TMBIM6: variants seen among roughly 807,000 people sequenced by gnomAD.
TMBIM6 encodes bax inhibitor 1.
Under a neutral mutation model 31.4 loss-of-function variants are expected in TMBIM6, and 13 were observed. The ratio of observed to expected loss-of-function variants is 0.41; its 90% CI spans 0.27 to 0.66. The LOEUF (loss-of-function observed/expected upper bound fraction) is 0.66, where lower values mean the gene tolerates loss of function less well. TMBIM6 is among the 30% of genes least tolerant of loss of function. TMBIM6 has a pLI of 0.28. For synonymous variants in TMBIM6, 85 were observed against 101.7 expected (o/e 0.84, Z 0.99); for missense variants, 275 against 289.5 (o/e 0.95, Z 0.36).
At chr12:49,747,172 T>A (rs138326963) in intron 1 of TMBIM6, among the ~76,000 whole-genome samples, 15 of 152,242 alleles carry the variant, frequency 9.9e-5, no homozygotes, top group Middle Eastern at 3.4e-3. Flanking sequence ...GGATTTTTCT[T>A]CTAAGTATCA....
At chr12:49,747,569 A>G (rs1451312505) in intron 1 of TMBIM6, among the ~76,000 whole-genome samples, 1 of 152,210 alleles carries the variant, frequency 6.6e-6, no homozygotes, top group Non-Finnish European at 1.5e-5. Context: ...TTGGCTTCCC[A>G]AAGTGCTGGG....
chr12:49,758,703 A>G lies in TMBIM6; in HGVS notation c.454A>G (p.Ser152Gly), dbSNP rs773256121. 6.2e-7 allele frequency: 1 copy of G among 1,613,690 alleles called. No individual in the cohort carries two copies. The highest frequency in any genetic ancestry group is 8.5e-7 in the Non-Finnish European group (1 of 1,179,970). The part of the protein sequence containing the change: ...FLGGILMSAL[S>G]LLLLSSLGNV... ...TATAGGTATCTTGATGTCAGCCCTGAGCTTGTTGCTTTTGTCTTCCCTGGG... is the reference window on the plus strand; with the variant it reads ...TATAGGTATCTTGATGTCAGCCCTGGGCTTGTTGCTTTTGTCTTCCCTGGG... Residue 152 changes from serine (S) to glycine (G), a missense_variant, in exon 7 of 10, where the codon AGC (serine) becomes GGC (glycine). By Grantham distance (56) the Ser-to-Gly change is moderately conservative (BLOSUM62 0). Coordinates refer to ENST00000267115, the MANE Select transcript of TMBIM6 (RefSeq NM_003217.3).
intron 1 of TMBIM6, among the ~76,000 whole-genome samples, chr12:49,746,107 G>C (rs1370654031): frequency 6.7e-6 from 1 of 148,712 alleles, no homozygotes; most frequent in African/African-American, 2.5e-5. Flanking sequence ...TTTTGAGACA[G>C]AGTCTCACTC....
intron 3 of TMBIM6, among the ~76,000 whole-genome samples, chr12:49,754,895 T>C (rs1258255767): frequency 6.6e-6 from 1 of 152,236 alleles, no homozygotes; most frequent in Non-Finnish European, 1.5e-5. Flanking sequence ...AACATTTTAG[T>C]ACTTTGCAGT....
chr12:49,763,134 G>T lies in TMBIM6; in HGVS notation c.*238G>T, dbSNP rs1173945323. The T allele has an allele frequency of 2.4e-6, 1 of 416,078 alleles. No homozygotes were observed. The highest frequency in any genetic ancestry group is 4.4e-6 in the Non-Finnish European group (1 of 226,182). The allele number at this position is 416,078 out of a possible 1,614,324, so 25.8% of individuals were successfully genotyped here. On this transcript the variant is annotated 3_prime_UTR_variant, in exon 10 of 10. Coordinates refer to ENST00000267115, the MANE Select transcript of TMBIM6 (RefSeq NM_003217.3). ...ACTCCCTTTTTTGTCAACCCCATCTGTAGCCTCTTCCTCTACTCAGGCAGT... is the reference window on the plus strand; with the variant it reads ...ACTCCCTTTTTTGTCAACCCCATCTTTAGCCTCTTCCTCTACTCAGGCAGT...
intron 3 of TMBIM6, among the ~76,000 whole-genome samples, 166 bp downstream of exon 3, chr12:49,753,247 C>G (rs1009160213): frequency 3.9e-5 from 6 of 152,192 alleles, no homozygotes. Flanking sequence ...TTTTAATTTT[C>G]TGGCAACTGT....
At chr12:49,750,733 AAAG>A (rs1338851858) in intron 1 of TMBIM6, 1 of 152,268 alleles carries the variant, frequency 6.6e-6, no homozygotes, top group African/African-American at 2.4e-5. Flanking sequence ...TGAGAGAAGG[AAAG>A]AAGAAACCAG....
chr12:49,760,512 T>C (rs954400532), intron 8 of TMBIM6, among the ~76,000 whole-genome samples: 7 of 151,076 alleles, frequency 4.6e-5, no homozygotes, highest in African/African-American at 1.7e-4. Context: ...GATTACAGGC[T>C]TAAGCCACCA....
At position 49,758,708 on chromosome 12, in the gene TMBIM6, G is replaced by T. The variant is rs1049671772; in HGVS notation, c.459G>T (p.Leu153Phe). The T allele has an allele frequency of 2.5e-6, 4 of 1,613,574 alleles. No individual in the cohort carries two copies. Among genetic ancestry groups the T allele is most frequent in the Non-Finnish European group, 3.4e-6 (4 of 1,180,020 alleles). Residue 153 changes from leucine to phenylalanine, a missense_variant, in exon 7 of 10, where the codon TTG becomes TTT. Leu to Phe is a conservative substitution (Grantham distance 22, BLOSUM62 0). Coordinates refer to ENST00000267115, the MANE Select transcript of TMBIM6 (RefSeq NM_003217.3). Reference protein sequence around the residue: ...LGGILMSALSLLLLSSLGNVF... With the variant: ...LGGILMSALSFLLLSSLGNVF... ...GTATCTTGATGTCAGCCCTGAGCTT[G>T]TTGCTTTTGTCTTCCCTGGGGAATG...
chr12:49,760,338 T>G (rs902981167), intron 8 of TMBIM6, among the ~76,000 whole-genome samples: 2 of 151,988 alleles, frequency 1.3e-5, no homozygotes, highest in African/African-American at 4.8e-5. Flanking sequence ...GCAGCCTGAA[T>G]TTACTGTGCT....
chr12:49,744,521 G>A (rs1009496797), intron 1 of TMBIM6: 1 of 152,144 alleles, frequency 6.6e-6, no homozygotes, highest in South Asian at 2.1e-4. Context: ...TGACTTAAAG[G>A]TTACCTAAGT....
chr12:49,753,119 A>G, intron 3 of TMBIM6, 38 bp downstream of exon 3: 1 of 1,577,292 alleles, frequency 6.3e-7, no homozygotes, highest in Non-Finnish European at 8.7e-7. Flanking sequence ...TGTGGTACAA[A>G]TTACATTAGG....
intron 1 of TMBIM6, among the ~76,000 whole-genome samples, chr12:49,751,477 A>G (rs1945492986): frequency 6.6e-6 from 1 of 152,150 alleles, no homozygotes; most frequent in Non-Finnish European, 1.5e-5. Context: ...GTACTGTTCT[A>G]ACCTTTCTGT....
chr12:49,749,614 G>A (rs994609624), intron 1 of TMBIM6: 1 of 152,106 alleles, frequency 6.6e-6, no homozygotes, highest in African/African-American at 2.4e-5. Context: ...TGTATTTTTT[G>A]TAGAGACAGG....
chr12:49,751,182 T>G (rs960999187), intron 1 of TMBIM6, among the ~76,000 whole-genome samples: 3 of 152,196 alleles, frequency 2.0e-5, no homozygotes, highest in Non-Finnish European at 4.4e-5. Flanking sequence ...TGATCTAACC[T>G]GGATATAGTT....
At chr12:49,757,178 C>T (rs1044535186) in intron 4 of TMBIM6, among the ~76,000 whole-genome samples, 2 of 152,184 alleles carry the variant, frequency 1.3e-5, no homozygotes, top group African/African-American at 2.4e-5. Context: ...TCCTGGCCTG[C>T]TTTCTAATCT....
intron 1 of TMBIM6, among the ~76,000 whole-genome samples, chr12:49,749,436 TTTTTG>T (rs1055785161): frequency 2.5e-5 from 3 of 119,774 alleles, no homozygotes; most frequent in African/African-American, 1.4e-4. Context: ...TTGTAAGTCA[TTTTTG>T]TTTTTTTTTG....
intron 3 of TMBIM6, among the ~76,000 whole-genome samples, chr12:49,753,763 T>C (rs868264338): frequency 1.3e-5 from 2 of 152,202 alleles, no homozygotes; most frequent in South Asian, 4.1e-4. Context: ...AAAATTACTT[T>C]AGACACTCAA....
At chr12:49,759,981 G>A (rs1052119646) in intron 8 of TMBIM6, among the ~76,000 whole-genome samples, 2 of 148,984 alleles carry the variant, frequency 1.3e-5, no homozygotes, top group African/African-American at 4.9e-5. Context: ...GCGTGGTGGC[G>A]GGCACCTGTA....
Sources: allele counts gnomAD v4.1 joint callset (sites outside exome capture counted in the v4.1 genomes callset), GRCh38; gene constraint gnomAD v4.1.1; transcripts MANE v1.5; gene names NCBI Gene and HGNC (gene_info 2026-07-23, HGNC 2026-07-21).